Variants in TMPO observed in about 807,000 individuals in gnomAD.
TMPO encodes LEM domain containing 4.
In TMPO, 22 loss-of-function variants were observed where a neutral mutation model predicts 45.4. That is an observed-to-expected ratio of 0.48 (90% CI 0.35 to 0.69). TMPO has a LOEUF of 0.69. Ranked by LOEUF, TMPO falls within the 30% of genes least tolerant of loss-of-function variation. The probability of loss-of-function intolerance (pLI) is 0.01; values close to 1 mark genes in which losing one functional copy is unlikely to be tolerated. For synonymous variants in TMPO, 241 were observed against 204.1 expected (o/e 1.18, Z -1.54); for missense variants, 512 against 548.8 (o/e 0.93, Z 0.67).
chr12:98,533,539 A>G lies in TMPO; in HGVS notation c.565+1701A>G, dbSNP rs1339590514. Reference sequence around the variant, plus strand: ...AACTGAATTCCTGTCTCCTCCAAGAAAAGTCCCTAGACTGAGTGAGAAGTC... The same window carrying G: ...AACTGAATTCCTGTCTCCTCCAAGAGAAGTCCCTAGACTGAGTGAGAAGTC... On this transcript the variant is annotated intron_variant, in intron 3 of 8. Transcript: ENST00000556029. 3.1e-6 allele frequency: 5 copies of G among 1,614,210 alleles called. No homozygotes were observed. The Admixed American group carries it at 5.0e-5, about 16-fold the overall frequency.
intron 1 of TMPO, among the ~76,000 whole-genome samples, chr12:98,517,053 C>T (rs1474254027): frequency 3.3e-5 from 5 of 152,310 alleles, no homozygotes; most frequent in South Asian, 2.1e-4. Flanking sequence ...TCAGGTGGTC[C>T]TCCCGCCTCG....
intron 1 of TMPO, among the ~76,000 whole-genome samples, chr12:98,523,313 G>A (rs1386967532): frequency 6.6e-6 from 1 of 152,118 alleles, no homozygotes; most frequent in Non-Finnish European, 1.5e-5. Context: ...CAGCACTTTG[G>A]GAGGCCGAGG....
chr12:98,534,331 A>G (rs1327858598), intron 3 of TMPO: 1 of 1,612,322 alleles, frequency 6.2e-7, no homozygotes, highest in Non-Finnish European at 8.5e-7. Context: ...AAAGCGTGGA[A>G]ATAAACACTA....
rs1156946436 is a variant in TMPO at position 98,539,923 on chromosome 12, CCT to C, written c.663+2352_663+2353del. Among the ~76,000 whole-genome samples the C allele has an allele frequency of 2.0e-5, 3 of 152,280 alleles. No homozygotes were observed. In the East Asian group the frequency reaches 5.8e-4, roughly 29 times the overall value. Reference sequence around the variant, plus strand: ...TTCCAGTGACAATGCCAATATCACACCTAATAAAATTAATAATTTATTTGTAT... The same window carrying C: ...TTCCAGTGACAATGCCAATATCACACAATAAAATTAATAATTTATTTGTAT... On this transcript the variant is annotated intron_variant, in intron 4 of 8. Transcript: ENST00000556029.
chr12:98,544,396 G>T (rs764357903), intron 5 of TMPO, 46 bp from the exon 6 acceptor site: 1 of 1,613,054 alleles, frequency 6.2e-7, no homozygotes, highest in Middle Eastern at 1.7e-4. Context: ...TAGGGTTTTA[G>T]TATTATTTTA....
In TMPO at chr12:98,531,584, G is replaced by C. The variant is rs17028432; in HGVS notation, c.407-96G>C. 0.032 allele frequency: 40,616 copies of C among 1,287,258 alleles called. 882 individuals carry two copies. Among genetic ancestry groups the C allele is most frequent in the Admixed American group, 0.046 (2,378 of 51,184 alleles). The allele number at this position is 1,287,258 out of a possible 1,614,324, so 79.7% of individuals were successfully genotyped here. A position where few individuals can be genotyped will look rare whatever the true frequency, so the allele number is the denominator to read the frequency against. On this transcript the variant is annotated intron_variant, in intron 2 of 8. Transcript: ENST00000556029. The stretch of plus-strand genomic sequence containing the variant: ...AAGAACTTGAGTTTAGAAAAATAAA[G>C]GGTGAAAATAGCTTAAAATGTTGCT...
At chr12:98,534,657 T>C (rs1877460952) in intron 3 of TMPO, 2 of 1,172,354 alleles carry the variant, frequency 1.7e-6, no homozygotes, top group Non-Finnish European at 2.1e-6. Flanking sequence ...CTAATTAGGA[T>C]ATAAGGAGTA....
At chr12:98,533,229 C>T in intron 3 of TMPO, 1 of 1,613,946 alleles carries the variant, frequency 6.2e-7, no homozygotes, top group Non-Finnish European at 8.5e-7. Flanking sequence ...ACTATAAAGA[C>T]ATAGTAGAAA....
chr12:98,533,377 G>T (rs1877336943), intron 3 of TMPO: 2 of 1,614,076 alleles, frequency 1.2e-6, no homozygotes, highest in African/African-American at 2.7e-5. Flanking sequence ...TCCGCCACTT[G>T]CCCAGGCAAT....
chr12:98,535,130 A>G, intron 3 of TMPO: 1 of 985,166 alleles, frequency 1.0e-6, no homozygotes, highest in Non-Finnish European at 1.2e-6. Flanking sequence ...ACTTCTTTGG[A>G]TAATAATAGA....
chr12:98,529,798 G>A (rs147242749), intron 2 of TMPO, among the ~76,000 whole-genome samples: 2,142 of 152,108 alleles, frequency 0.014, 51 homozygotes, highest in African/African-American at 0.048. Flanking sequence ...GGCTCAAGCA[G>A]TCCTCCCACT....
rs573989935 is a variant in TMPO at position 98,532,467 on chromosome 12, A to G, written c.565+629A>G. Among the ~76,000 whole-genome samples, 11 of 148,470 alleles carry G rather than the reference A, an allele frequency of 7.4e-5. No homozygotes were observed. The South Asian group carries it at 2.3e-3, about 31-fold the overall frequency. On this transcript the variant is annotated intron_variant, in intron 3 of 8. Coordinates refer to ENST00000556029, the MANE Select transcript of TMPO (RefSeq NM_001032283.3). Reference sequence around the variant, plus strand: ...TTTTTGTTAATCTGACCTCAGGGCAACTTTAAAGCAAATATTTTGACTATA... The same window carrying G: ...TTTTTGTTAATCTGACCTCAGGGCAGCTTTAAAGCAAATATTTTGACTATA...
At chr12:98,524,186 C>G (rs1876589075) in intron 1 of TMPO, among the ~76,000 whole-genome samples, 1 of 152,170 alleles carries the variant, frequency 6.6e-6, no homozygotes, top group African/African-American at 2.4e-5. Context: ...ATGCTGCATC[C>G]AGATCACCTG....
chr12:98,540,893 A>G (rs2121238798), intron 4 of TMPO, among the ~76,000 whole-genome samples: 1 of 152,306 alleles, frequency 6.6e-6, no homozygotes, highest in East Asian at 1.9e-4. Context: ...ATTGATTTAG[A>G]TTTTGAAAGA....
At chr12:98,544,601 G>T in intron 6 of TMPO, 64 bp downstream of exon 6, 1 of 1,348,400 alleles carries the variant, frequency 7.4e-7, no homozygotes, top group Non-Finnish European at 1.0e-6. Context: ...ATTGGAAATG[G>T]GGAGGTGGTG....
At position 98,539,990 on chromosome 12, in the gene TMPO, C is replaced by T. The variant is rs759604177; in HGVS notation, c.663+2418C>T. 1.4e-4 allele frequency among the ~76,000 whole-genome samples: 22 copies of T among 152,222 alleles called. 1 individual carries two copies. Among genetic ancestry groups the T allele is most frequent in the South Asian group, 4.2e-4 (2 of 4,816 alleles). The stretch of plus-strand genomic sequence containing the variant: ...AATTTCTCTAGTTTCAGAAATGTTT[C>T]GTTTATGATTATGTTGTTCAAATCA... On this transcript the variant is annotated intron_variant, in intron 4 of 8. Transcript: ENST00000556029.
rs1011514857 is a variant in TMPO at position 98,516,250 on chromosome 12, C to T, written c.279+104C>T. 11 of 1,300,764 alleles carry T rather than the reference C, an allele frequency of 8.5e-6. 1 individual carries two copies. In the African/African-American group the frequency reaches 1.1e-4, roughly 13 times the overall value. The allele number at this position is 1,300,764 out of a possible 1,614,324, so 80.6% of individuals were successfully genotyped here. ...CCTCCCGGGCGCCCCCTCGGGCCTC[C>T]CAGGTGCGGGGCTGTCCCTGCGCCC... On this transcript the variant is annotated intron_variant, in intron 1 of 8. Coordinates refer to ENST00000556029, the MANE Select transcript of TMPO (RefSeq NM_001032283.3).
chr12:98,528,234 A>G (rs1177201009), intron 2 of TMPO, among the ~76,000 whole-genome samples: 4 of 146,810 alleles, frequency 2.7e-5, no homozygotes, highest in Non-Finnish European at 6.0e-5. Context: ...ATTGTTTTAT[A>G]TGGTGCTTAT....
intron 4 of TMPO, among the ~76,000 whole-genome samples, chr12:98,543,368 G>T (rs915270351): frequency 4.6e-5 from 7 of 152,164 alleles, no homozygotes; most frequent in African/African-American, 1.7e-4. Context: ...CTTGGAATGC[G>T]GAATTTCGGG....
Sources: gnomAD v4.1 joint callset for allele counts (sites outside exome capture counted in the v4.1 genomes callset) on GRCh38, gnomAD v4.1.1 for gene constraint, MANE v1.5 for transcripts, NCBI Gene and HGNC (gene_info 2026-07-23, HGNC 2026-07-21) for gene names.